Variants in CNTN4 observed in about 807,000 individuals in gnomAD.
CNTN4 encodes the protein contactin 4.
CNTN4 carries 77 observed loss-of-function variants against 122.5 expected under a neutral mutation model. The ratio of observed to expected loss-of-function variants is 0.63; its 90% CI spans 0.52 to 0.76. The LOEUF is 0.76. Ranked by LOEUF, CNTN4 falls within the 30% of genes least tolerant of loss-of-function variation. The pLI is 0.00. For synonymous variants in CNTN4, 512 were observed against 447.0 expected (o/e 1.15, Z -1.83); for missense variants, 1,256 against 1,259.1 (o/e 1.00, Z 0.04).
chr3:2,628,887 T>A (rs1404079783), intron 4 of CNTN4, among the ~76,000 whole-genome samples: 1 of 152,232 alleles, frequency 6.6e-6, no homozygotes, highest in African/African-American at 2.4e-5. Flanking sequence ...GTTTGTTTTT[T>A]ACTCATGATA....
At chr3:3,051,571 G>C (rs567122135) in intron 23 of CNTN4, among the ~76,000 whole-genome samples, 1 of 152,306 alleles carries the variant, frequency 6.6e-6, no homozygotes, top group South Asian at 2.1e-4. Context: ...CTGGAGGGCC[G>C]TGATGAGAAG....
chr3:2,442,227 C>T (rs112087816), intron 3 of CNTN4, among the ~76,000 whole-genome samples: 18 of 152,228 alleles, frequency 1.2e-4, no homozygotes, highest in African/African-American at 4.3e-4. Context: ...CCTTTCCCTC[C>T]TGTTTCTATT....
chr3:2,794,021 G>A (rs2149996902), intron 6 of CNTN4, among the ~76,000 whole-genome samples: 1 of 152,182 alleles, frequency 6.6e-6, no homozygotes, highest in Middle Eastern at 3.4e-3. Flanking sequence ...TTTCTTGGTG[G>A]TGACATTTGT....
intron 4 of CNTN4, among the ~76,000 whole-genome samples, chr3:2,578,810 G>A (rs771803881): frequency 3.3e-5 from 5 of 152,090 alleles, no homozygotes; most frequent in Non-Finnish European, 7.3e-5. Flanking sequence ...AGCCCATGTG[G>A]TAGAAAGACT....
At chr3:2,691,818 C>CT (rs1234392658) in intron 4 of CNTN4, among the ~76,000 whole-genome samples, 1 of 152,164 alleles carries the variant, frequency 6.6e-6, no homozygotes, top group Admixed American at 6.6e-5. Flanking sequence ...ATTATTAGAG[C>CT]TTTTTTCTCC....
chr3:3,017,825 C>T (rs1402079565), intron 14 of CNTN4, among the ~76,000 whole-genome samples: 1 of 152,180 alleles, frequency 6.6e-6, no homozygotes, highest in Non-Finnish European at 1.5e-5. Flanking sequence ...AGGAAGTCTG[C>T]CACCATAAGA....
At chr3:2,321,644 C>G (rs1471964990) in intron 2 of CNTN4, among the ~76,000 whole-genome samples, 1 of 151,668 alleles carries the variant, frequency 6.6e-6, no homozygotes, top group Non-Finnish European at 1.5e-5. Flanking sequence ...TTGTCAAAGC[C>G]AGATTGTCTC....
chr3:2,825,053 A>G (rs1431666734), intron 7 of CNTN4, among the ~76,000 whole-genome samples: 1 of 152,126 alleles, frequency 6.6e-6, no homozygotes, highest in African/African-American at 2.4e-5. Flanking sequence ...AAAAACTAAG[A>G]AAAGGGTGGC....
intron 3 of CNTN4, among the ~76,000 whole-genome samples, chr3:2,400,454 T>TACATATATATATATATATATA (rs1388199667): frequency 7.1e-6 from 1 of 140,486 alleles, no homozygotes; most frequent in African/African-American, 2.5e-5. Flanking sequence ...TATATATCTC[T>TACATATATATATATATATATA]TTTTTTCCTT....
chr3:2,101,782 A>G (rs1282096033), intron 2 of CNTN4, among the ~76,000 whole-genome samples: 6 of 152,358 alleles, frequency 3.9e-5, no homozygotes, highest in African/African-American at 9.6e-5. Context: ...AAAGATGAAT[A>G]AAGCAAAAAT....
chr3:2,319,700 G>A (rs6782141), intron 2 of CNTN4, among the ~76,000 whole-genome samples: 18,741 of 152,196 alleles, frequency 0.12, 1,424 homozygotes, highest in Non-Finnish European at 0.17. Context: ...GACTGTTTAT[G>A]TTATCGGTAA....
At chr3:2,287,345 T>C (rs1267181141) in intron 2 of CNTN4, among the ~76,000 whole-genome samples, 1 of 152,076 alleles carries the variant, frequency 6.6e-6, no homozygotes, top group Non-Finnish European at 1.5e-5. Flanking sequence ...TGCACGCCTG[T>C]TATCCTAACA....
chr3:2,910,977 G>A (rs760408771), intron 12 of CNTN4, among the ~76,000 whole-genome samples: 12 of 152,172 alleles, frequency 7.9e-5, no homozygotes, highest in Non-Finnish European at 1.3e-4. Context: ...TATGGCACTC[G>A]CTTGCTGGAG....
At chr3:2,899,853 C>A (rs141668810) in intron 10 of CNTN4, among the ~76,000 whole-genome samples, 4 of 151,766 alleles carry the variant, frequency 2.6e-5, no homozygotes, top group African/African-American at 9.7e-5. Flanking sequence ...TCTATCAATA[C>A]GAAATCAATA....
At chr3:2,529,769 TATG>T (rs1322173365) in intron 3 of CNTN4, among the ~76,000 whole-genome samples, 1 of 152,034 alleles carries the variant, frequency 6.6e-6, no homozygotes, top group African/African-American at 2.4e-5. Flanking sequence ...GTGACCACCA[TATG>T]ATGAGGAGGA....
Position 2,546,337 on chromosome 3 carries a change from AG to A in CNTN4, c.-88-25078del, listed in dbSNP as rs1351600439. ...ATACTATGCAGCCAAAAAAAAAAAAAGAACAAGATAATGTCCTTTGCAGCAA... is the reference window on the plus strand; with the variant it reads ...ATACTATGCAGCCAAAAAAAAAAAAAAACAAGATAATGTCCTTTGCAGCAA... On this transcript the variant is annotated intron_variant, in intron 3 of 24. Coordinates refer to ENST00000418658, the MANE Select transcript of CNTN4 (RefSeq NM_175607.3). Among the ~76,000 whole-genome samples, 80 of 151,938 alleles carry A rather than the reference AG, an allele frequency of 5.3e-4. 1 individual carries two copies. In the East Asian group the frequency reaches 0.015, roughly 29 times the overall value.
chr3:2,758,226 G>A (rs533466928), intron 6 of CNTN4, among the ~76,000 whole-genome samples: 6 of 152,180 alleles, frequency 3.9e-5, no homozygotes, highest in Non-Finnish European at 7.4e-5. Context: ...GAATAATGCC[G>A]AATAAATGCT....
intron 2 of CNTN4, among the ~76,000 whole-genome samples, chr3:2,120,396 TA>T (rs1559260987): frequency 3.9e-4 from 12 of 30,950 alleles, no homozygotes; most frequent in East Asian, 1.1e-3. Flanking sequence ...TATATATATA[TA>T]TATATATATT....
intron 7 of CNTN4, among the ~76,000 whole-genome samples, chr3:2,864,104 C>G (rs2093697771): frequency 6.6e-6 from 1 of 152,182 alleles, no homozygotes; most frequent in African/African-American, 2.4e-5. Context: ...AAGTGCAACA[C>G]CAATAATAAC....
Sources: gnomAD v4.1 joint callset for allele counts (sites outside exome capture counted in the v4.1 genomes callset) on GRCh38, gnomAD v4.1.1 for gene constraint, MANE v1.5 for transcripts, NCBI Gene and HGNC (gene_info 2026-07-23, HGNC 2026-07-21) for gene names.